TBC1D4: variants seen among roughly 807,000 people sequenced by gnomAD.
TBC1D4 encodes the protein TBC1 domain family member 4, also known as TBC (Tre-2, BUB2, CDC16) domain-containing protein.
TBC1D4 carries 121 observed loss-of-function variants against 142.5 expected under a neutral mutation model. The ratio of observed to expected loss-of-function variants is 0.85; its 90% CI spans 0.73 to 0.99. The LOEUF (loss-of-function observed/expected upper bound fraction) is 0.99, where lower values mean the gene tolerates loss of function less well. Ranked by LOEUF, TBC1D4 falls within the 50% of genes least tolerant of loss-of-function variation. TBC1D4 has a pLI of 0.00. For synonymous variants in TBC1D4, 630 were observed against 628.2 expected (o/e 1.00, Z -0.04); for missense variants, 1,475 against 1,606.6 (o/e 0.92, Z 1.40).
At chr13:75,474,791 CAT>C (rs1888567902) in intron 1 of TBC1D4, among the ~76,000 whole-genome samples, 1 of 151,988 alleles carries the variant, frequency 6.6e-6, no homozygotes, top group Non-Finnish European at 1.5e-5. Context: ...CGTATGCCAC[CAT>C]ACCTGGCTAA....
intron 11 of TBC1D4, among the ~76,000 whole-genome samples, chr13:75,321,172 A>G (rs910650747): frequency 2.6e-5 from 4 of 152,194 alleles, no homozygotes; most frequent in African/African-American, 9.7e-5. Context: ...CAAGAAAATT[A>G]TAACTGATAG....
chr13:75,418,375 T>C (rs958662094), intron 1 of TBC1D4, among the ~76,000 whole-genome samples: 25 of 152,294 alleles, frequency 1.6e-4, no homozygotes, highest in Admixed American at 1.6e-3. Flanking sequence ...AGACAGGAGA[T>C]GGATCTGGGA....
At chr13:75,439,061 C>T (rs955438178) in intron 1 of TBC1D4, among the ~76,000 whole-genome samples, 1 of 152,184 alleles carries the variant, frequency 6.6e-6, no homozygotes, top group South Asian at 2.1e-4. Context: ...AGCAACATCA[C>T]TATTAATGCT....
At chr13:75,395,147 A>C (rs1566456815) in intron 1 of TBC1D4, among the ~76,000 whole-genome samples, 1 of 152,220 alleles carries the variant, frequency 6.6e-6, no homozygotes, top group Non-Finnish European at 1.5e-5. Flanking sequence ...GAGGCCTGAG[A>C]CAGACATGGT....
At chr13:75,372,909 A>G (rs1883298083) in intron 1 of TBC1D4, among the ~76,000 whole-genome samples, 1 of 152,234 alleles carries the variant, frequency 6.6e-6, no homozygotes, top group Admixed American at 6.5e-5. Context: ...TTAAAGCAGG[A>G]CACAATAAAC....
chr13:75,296,558 G>C (rs1031466535), intron 17 of TBC1D4, among the ~76,000 whole-genome samples: 1 of 152,050 alleles, frequency 6.6e-6, no homozygotes, highest in Non-Finnish European at 1.5e-5. Flanking sequence ...CACAATTCAG[G>C]CTTCCTTCAA....
chr13:75,468,221 TGGGTCTAGTCCA>T (rs1888248839), intron 1 of TBC1D4, among the ~76,000 whole-genome samples: 1 of 152,152 alleles, frequency 6.6e-6, no homozygotes, highest in Admixed American at 6.5e-5. Context: ...TTCAATTTCT[TGGGTCTAGTCCA>T]GCTTCTTGGG....
chr13:75,476,268 A>C (rs1369688826), intron 1 of TBC1D4, among the ~76,000 whole-genome samples: 1 of 152,132 alleles, frequency 6.6e-6, no homozygotes, highest in African/African-American at 2.4e-5. Flanking sequence ...AACAACAAAA[A>C]AACTTCATTT....
At chr13:75,444,613 G>A (rs1380740554) in intron 1 of TBC1D4, among the ~76,000 whole-genome samples, 2 of 152,118 alleles carry the variant, frequency 1.3e-5, no homozygotes, top group African/African-American at 4.8e-5. Flanking sequence ...TGGAATCCTG[G>A]ATTTAAAACA....
intron 16 of TBC1D4, among the ~76,000 whole-genome samples, chr13:75,300,441 T>C (rs771807882): frequency 3.9e-5 from 6 of 152,198 alleles, no homozygotes; most frequent in Non-Finnish European, 8.8e-5. Flanking sequence ...GTGAAATGAT[T>C]ACTCATGTCA....
chr13:75,343,837 C>CTTTAA (rs1404243910), intron 5 of TBC1D4, among the ~76,000 whole-genome samples: 1 of 150,590 alleles, frequency 6.6e-6, no homozygotes, highest in Non-Finnish European at 1.5e-5. Context: ...TTTTATTTTA[C>CTTTAA]TTTATTTTAT....
In TBC1D4 at chr13:75,464,445, G is replaced by C. The variant is rs137984512; in HGVS notation, c.498+16825C>G. Among the ~76,000 whole-genome samples the C allele has an allele frequency of 4.6e-5, 7 of 152,290 alleles. No homozygotes were observed. The East Asian group carries it at 1.4e-3, about 29-fold the overall frequency. On this transcript the variant is annotated intron_variant, in intron 1 of 20. Transcript: ENST00000377636. ...ATAACTAGCCAGAGCCCATCCCTTT[G>C]TTTCAGCCCATCCCTTTGTTTCCTG... is the stretch of plus-strand genomic sequence containing the variant.
At chr13:75,287,097 A>G (rs750833324) in intron 20 of TBC1D4, 72 bp from the exon 21 acceptor site, 20 of 1,239,878 alleles carry the variant, frequency 1.6e-5, no homozygotes, top group Non-Finnish European at 2.4e-5. Flanking sequence ...ACACATATTA[A>G]CCAATTACTT....
chr13:75,337,112 T>A, intron 7 of TBC1D4, 72 bp from the exon 8 acceptor site: 1 of 1,416,102 alleles, frequency 7.1e-7, no homozygotes, highest in Non-Finnish European at 9.9e-7. Flanking sequence ...ATTATAGGCT[T>A]AAGACTAAGC....
At chr13:75,300,559 G>C (rs1178620468) in intron 16 of TBC1D4, among the ~76,000 whole-genome samples, 1 of 152,184 alleles carries the variant, frequency 6.6e-6, no homozygotes, top group East Asian at 1.9e-4. Flanking sequence ...GAGCCAGTAA[G>C]AGGAAGATAT....
intron 1 of TBC1D4, among the ~76,000 whole-genome samples, chr13:75,383,963 C>T (rs1884015234): frequency 6.6e-6 from 1 of 152,092 alleles, no homozygotes; most frequent in African/African-American, 2.4e-5. Context: ...GCTCTTAAAC[C>T]ATTTCAAAAC....
chr13:75,371,854 G>T (rs1235827349), intron 1 of TBC1D4, among the ~76,000 whole-genome samples: 9 of 152,074 alleles, frequency 5.9e-5, no homozygotes, highest in Admixed American at 5.9e-4. Flanking sequence ...TTTGAAAAAA[G>T]TTTGCATGTA....
At chr13:75,306,267 A>C in intron 15 of TBC1D4, 46 bp downstream of exon 15, 3 of 1,508,612 alleles carry the variant, frequency 2.0e-6, no homozygotes, top group Non-Finnish European at 2.7e-6. Context: ...AAAATCCCCC[A>C]GGCTTTTCTT....
chr13:75,405,325 A>C (rs1331328835), intron 1 of TBC1D4, among the ~76,000 whole-genome samples: 1 of 135,726 alleles, frequency 7.4e-6, no homozygotes, highest in Non-Finnish European at 1.5e-5. Flanking sequence ...GCTGGAGTGC[A>C]GTGGTGCAAT....
Sources: gnomAD v4.1 joint callset for allele counts (sites outside exome capture counted in the v4.1 genomes callset) on GRCh38, gnomAD v4.1.1 for gene constraint, MANE v1.5 for transcripts, NCBI Gene and HGNC (gene_info 2026-07-23, HGNC 2026-07-21) for gene names.